DNAH8: variants seen among roughly 807,000 people sequenced by gnomAD.
DNAH8 encodes dynein axonemal heavy chain 8.
Under a neutral mutation model 562.1 loss-of-function variants are expected in DNAH8, and 382 were observed. The observed-to-expected ratio is 0.68, with a 90% CI of 0.63 to 0.74. DNAH8 has a LOEUF of 0.74. Ranked by LOEUF, DNAH8 falls within the 30% of genes least tolerant of loss-of-function variation. The probability of loss-of-function intolerance (pLI) is 0.00; values close to 1 mark genes in which losing one functional copy is unlikely to be tolerated. For synonymous variants in DNAH8, 1,881 were observed against 1,919.4 expected (o/e 0.98, Z 0.52); for missense variants, 5,203 against 5,620.4 (o/e 0.93, Z 2.37).
chr6:38,921,373 A>G lies in DNAH8; in HGVS notation c.10529A>G (p.Asn3510Ser), dbSNP rs145843224. 107 of 1,613,024 alleles carry G rather than the reference A, an allele frequency of 6.6e-5. No individual in the cohort carries two copies. The African/African-American group carries it at 9.5e-4, about 14-fold the overall frequency. Residue 3510 changes from asparagine to serine, a missense_variant, in exon 71 of 93, where the codon AAC (asparagine) becomes AGC (serine). Coordinates refer to ENST00000327475, the MANE Select transcript of DNAH8 (RefSeq NM_001206927.2). ...INREVLPLKA[N>S]LAKQEGRLAV... The stretch of plus-strand genomic sequence containing the variant: ...ACCACGTCTTCTTCTTTTCAGGCCA[A>G]CCTGGCCAAGCAGGAAGGCCGGTTA...
At position 38,909,521 on chromosome 6, in the gene DNAH8, G is replaced by A. The variant is rs1030384306; in HGVS notation, c.9517G>A (p.Gly3173Ser). 6 of 1,613,876 alleles carry A rather than the reference G, an allele frequency of 3.7e-6. No homozygotes were observed. The African/African-American group carries it at 5.3e-5, about 14-fold the overall frequency. ...TTGTTGACTTTGCTATCAATAGGTT[G>A]GTGAGAAGTTCCGTGCCCGTTCTTT... ...LHVVLCFSPVGEKFRARSLKF... is the reference protein window; with the variant it reads ...LHVVLCFSPVSEKFRARSLKF... Residue 3173 changes from glycine (G) to serine (S), a missense_variant, in exon 65 of 93, where the codon GGT becomes AGT. Transcript: ENST00000327475.
intron 82 of DNAH8, among the ~76,000 whole-genome samples, chr6:38,956,215 T>C (rs1762235261): frequency 6.6e-6 from 1 of 152,190 alleles, no homozygotes; most frequent in African/African-American, 2.4e-5. Flanking sequence ...GAAGGGCTCA[T>C]CAACCTCTGT....
intron 62 of DNAH8, among the ~76,000 whole-genome samples, chr6:38,905,579 G>T (rs1780393525): frequency 6.6e-6 from 1 of 152,122 alleles, no homozygotes; most frequent in Non-Finnish European, 1.5e-5. Flanking sequence ...AATTTCAGAT[G>T]AGTTTTAGAT....
intron 41 of DNAH8, 41 bp from the exon 42 acceptor site, chr6:38,857,477 A>C: frequency 7.0e-7 from 1 of 1,422,578 alleles, no homozygotes. Context: ...ATGTGCTTTA[A>C]ATATTTGGCA....
chr6:38,737,931 C>T lies in DNAH8; in HGVS notation c.1075C>T (p.Leu359=), dbSNP rs1266185126. The T allele has an allele frequency of 1.2e-6, 2 of 1,608,536 alleles. No individual in the cohort carries two copies. The highest frequency in any genetic ancestry group is 1.7e-6 in the Non-Finnish European group (2 of 1,177,604). ...AASNSETVHQ[L]EEVLMVWYKQ... ...CAGCAACTCAGAAACTGTTCATCAG[C>T]TGGAGGAAGTGCTGATGGTATGGTA... Residue 359 remains leucine (L), a synonymous_variant, in exon 7 of 93, where the codon CTG becomes TTG. Transcript: ENST00000327475.
chr6:38,811,936 A>G (rs1583068628), intron 24 of DNAH8, among the ~76,000 whole-genome samples: 1 of 152,016 alleles, frequency 6.6e-6, no homozygotes. Context: ...TTGGCTAGGG[A>G]GCACACGGGT....
chr6:38,738,039 G>T, intron 7 of DNAH8, 67 bp downstream of exon 7: 1 of 1,500,866 alleles, frequency 6.7e-7, no homozygotes, highest in Admixed American at 1.8e-5. Context: ...ATTGTATTTT[G>T]TCTCTAACAG....
rs1223215478 is a variant in DNAH8, at chr6:38,786,667, A to G, written c.2396-98A>G. 21 of 1,251,634 alleles carry G rather than the reference A, an allele frequency of 1.7e-5. No individual in the cohort carries two copies. In the East Asian group the frequency reaches 4.8e-4, roughly 29 times the overall value. 77.5% of individuals were successfully genotyped at this position (1,251,634 alleles called of 1,614,324 possible). A position where few individuals can be genotyped will look rare whatever the true frequency, so the allele number is the denominator to read the frequency against. On this transcript the variant is annotated intron_variant, in intron 17 of 92. Coordinates refer to ENST00000327475, the MANE Select transcript of DNAH8 (RefSeq NM_001206927.2). Reference sequence around the variant, plus strand: ...ATCCAAAACATTTCCTTTGCCCTCAAGAAGTTAGTAATCCAGGGGGCAAGA... The same window carrying G: ...ATCCAAAACATTTCCTTTGCCCTCAGGAAGTTAGTAATCCAGGGGGCAAGA...
At chr6:38,937,925 T>C in intron 77 of DNAH8, 49 bp from the exon 78 acceptor site, 3 of 1,597,710 alleles carry the variant, frequency 1.9e-6, no homozygotes, top group Middle Eastern at 1.7e-4. Flanking sequence ...TATCTTGCTT[T>C]GCAAGTTTCC....
intron 11 of DNAH8, among the ~76,000 whole-genome samples, chr6:38,769,595 C>T (rs185888802): frequency 4.7e-4 from 71 of 152,264 alleles, no homozygotes; most frequent in Admixed American, 4.4e-3. Flanking sequence ...GGCAGAATAA[C>T]GGCCCCCAAA....
Position 38,937,233 on chromosome 6 carries a change from G to A in DNAH8, c.11564-741G>A, listed in dbSNP as rs12199814. ...GTAGGGGTCTGGGGGGAGGGATAGC[G>A]TTAGGAGAAATACCTAATGTAAATG... On this transcript the variant is annotated intron_variant, in intron 77 of 92. Coordinates refer to ENST00000327475, the MANE Select transcript of DNAH8 (RefSeq NM_001206927.2). Among the ~76,000 whole-genome samples the A allele has an allele frequency of 1.5e-3, 232 of 152,012 alleles. 1 individual carries two copies. The highest frequency in any genetic ancestry group is 2.8e-3 in the Non-Finnish European group (189 of 67,972).
chr6:39,030,514 A>G lies in DNAH8; in HGVS notation c.*122A>G. On this transcript the variant is annotated 3_prime_UTR_variant, in exon 93 of 93. Transcript: ENST00000327475. ...CTTAATTACTCTTTCTACATTAAAA[A>G]GTTGATGTTCTAAAATTGCTAGTGC... is the stretch of plus-strand genomic sequence containing the variant. 1 of 879,086 alleles carries G rather than the reference A, an allele frequency of 1.1e-6. No homozygotes were observed. The highest frequency in any genetic ancestry group is 1.7e-6 in the Non-Finnish European group (1 of 586,276). The allele number at this position is 879,086 out of a possible 1,614,324, so 54.5% of individuals were successfully genotyped here.
At chr6:38,884,585 C>CA (rs1022749791) in intron 56 of DNAH8, among the ~76,000 whole-genome samples, 2 of 152,146 alleles carry the variant, frequency 1.3e-5, no homozygotes, top group African/African-American at 4.8e-5. Context: ...TGAGCCATCA[C>CA]ACCTGTCTCC....
chr6:38,784,287 A>G (rs1485617818), intron 17 of DNAH8, among the ~76,000 whole-genome samples: 2 of 152,206 alleles, frequency 1.3e-5, no homozygotes, highest in African/African-American at 2.4e-5. Flanking sequence ...GGAAAAAGGC[A>G]AAAGAGAATT....
chr6:38,870,954 C>T (rs1777425355), intron 49 of DNAH8, among the ~76,000 whole-genome samples: 1 of 152,154 alleles, frequency 6.6e-6, no homozygotes, highest in Non-Finnish European at 1.5e-5. Context: ...TTTGCTCCTG[C>T]TTTGTGTGTG....
intron 81 of DNAH8, among the ~76,000 whole-genome samples, chr6:38,950,896 T>C (rs1359052742): frequency 4.6e-5 from 7 of 152,054 alleles, no homozygotes; most frequent in Non-Finnish European, 2.9e-5. Flanking sequence ...ATGACACTTA[T>C]CCAATGTGTC....
At chr6:38,885,653 T>C (rs1254129953) in intron 56 of DNAH8, among the ~76,000 whole-genome samples, 8 of 152,218 alleles carry the variant, frequency 5.3e-5, no homozygotes, top group Admixed American at 1.3e-4. Context: ...TTGTATACGC[T>C]GGATATGGTG....
chr6:38,941,528 A>G (rs976775248), intron 79 of DNAH8, among the ~76,000 whole-genome samples: 3 of 152,126 alleles, frequency 2.0e-5, no homozygotes, highest in African/African-American at 7.2e-5. Context: ...TAATGCACTT[A>G]TGGAAGTTGG....
chr6:38,941,672 G>A (rs1332429449), intron 79 of DNAH8, among the ~76,000 whole-genome samples: 1 of 152,096 alleles, frequency 6.6e-6, no homozygotes, highest in Non-Finnish European at 1.5e-5. Context: ...ACCCAATCTG[G>A]AAACCTATTT....
Sources: gnomAD v4.1 joint callset for allele counts (sites outside exome capture counted in the v4.1 genomes callset) on GRCh38, gnomAD v4.1.1 for gene constraint, MANE v1.5 for transcripts, NCBI Gene and HGNC (gene_info 2026-07-23, HGNC 2026-07-21) for gene names.